The following ERGIC3 variants were observed in gnomAD, a reference collection of about 807,000 sequenced individuals.
The protein encoded by ERGIC3 is endoplasmic reticulum-Golgi intermediate compartment protein 3.
A neutral mutation model predicts 54.7 loss-of-function variants in ERGIC3; 33 were observed. That is an observed-to-expected ratio of 0.60 (90% confidence interval 0.46 to 0.81). ERGIC3 has a LOEUF of 0.81. Ranked by LOEUF, ERGIC3 falls within the 30% of genes least tolerant of loss-of-function variation. The probability of loss-of-function intolerance (pLI) is 0.00; values close to 1 mark genes in which losing one functional copy is unlikely to be tolerated. For missense variants in ERGIC3, 399 were observed against 488.4 expected (o/e 0.82, Z 1.73); for synonymous variants, 186 against 189.8 (o/e 0.98, Z 0.16).
intron 4 of ERGIC3, among the ~76,000 whole-genome samples, chr20:35,546,724 G>A (rs895913972): frequency 6.6e-6 from 1 of 152,146 alleles, no homozygotes; most frequent in South Asian, 2.1e-4. Context: ...AGAATTGGTG[G>A]ATTTCGGGTA....
At chr20:35,553,879 T>C (rs1601366789) in intron 7 of ERGIC3, among the ~76,000 whole-genome samples, 1 of 151,980 alleles carries the variant, frequency 6.6e-6, no homozygotes, top group Non-Finnish European at 1.5e-5. Context: ...GGGCCGGGGG[T>C]GCTCTGTATT....
chr20:35,544,385 C>T, intron 4 of ERGIC3: 1 of 281,014 alleles, frequency 3.6e-6, no homozygotes, highest in Admixed American at 4.6e-5. Flanking sequence ...TATTTTTTTT[C>T]TGTCAAGGTG....
At chr20:35,549,898 A>G (rs1377655484) in intron 7 of ERGIC3, 1 of 152,206 alleles carries the variant, frequency 6.6e-6, no homozygotes, top group African/African-American at 2.4e-5. Flanking sequence ...CGGCCTCCCA[A>G]AGTGCTAGGA....
intron 4 of ERGIC3, among the ~76,000 whole-genome samples, chr20:35,546,870 G>T (rs1340854929): frequency 6.6e-6 from 1 of 151,980 alleles, no homozygotes; most frequent in Non-Finnish European, 1.5e-5. Flanking sequence ...GAGGTGAGAT[G>T]GCAAAATCAA....
intron 4 of ERGIC3, chr20:35,543,597 C>G: frequency 4.2e-6 from 2 of 471,156 alleles, no homozygotes; most frequent in Non-Finnish European, 8.8e-6. Flanking sequence ...GTCCTCAAAG[C>G]TGGGATTTCT....
chr20:35,554,307 C>G, intron 7 of ERGIC3: 1 of 1,598,506 alleles, frequency 6.3e-7, no homozygotes, highest in Non-Finnish European at 8.6e-7. Flanking sequence ...ACATATCTTG[C>G]TCTCATAGTT....
intron 7 of ERGIC3, among the ~76,000 whole-genome samples, chr20:35,553,171 A>ATTT (rs61579080): frequency 0.62 from 78,847 of 127,078 alleles, 26,674 homozygotes; most frequent in Non-Finnish European, 0.76. Flanking sequence ...TGCCTGGCTA[A>ATTT]TTTTTTTTTT....
At chr20:35,551,456 T>A (rs2064681414) in intron 7 of ERGIC3, among the ~76,000 whole-genome samples, 1 of 151,948 alleles carries the variant, frequency 6.6e-6, no homozygotes, top group Non-Finnish European at 1.5e-5. Flanking sequence ...AGGTGTCAAG[T>A]AAGTTTTCCA....
intron 7 of ERGIC3, chr20:35,554,439 C>T (rs942347284): frequency 1.5e-5 from 24 of 1,609,148 alleles, no homozygotes; most frequent in Non-Finnish European, 2.0e-5. Context: ...GGGCAGCCTG[C>T]CCTACTAGAA....
intron 8 of ERGIC3, among the ~76,000 whole-genome samples, chr20:35,555,546 G>A (rs2064706346): frequency 6.6e-6 from 1 of 152,168 alleles, no homozygotes; most frequent in Non-Finnish European, 1.5e-5. Flanking sequence ...ATACACAAGG[G>A]AGCAGGAAGG....
intron 7 of ERGIC3, among the ~76,000 whole-genome samples, chr20:35,553,868 C>T (rs1372061565): frequency 5.3e-5 from 8 of 152,162 alleles, no homozygotes; most frequent in South Asian, 2.1e-4. Flanking sequence ...TGTGGATCCC[C>T]GGGCCGGGGG....
intron 4 of ERGIC3, chr20:35,545,042 A>T (rs967943577): frequency 6.6e-6 from 1 of 151,828 alleles, no homozygotes; most frequent in Non-Finnish European, 1.5e-5. Context: ...ACCTCAGGTG[A>T]TCCACCCGCC....
intron 4 of ERGIC3, chr20:35,543,680 G>A (rs889814327): frequency 4.2e-6 from 2 of 470,962 alleles, no homozygotes; most frequent in Non-Finnish European, 8.8e-6. Context: ...GGACACCAGT[G>A]GAACCAACAT....
chr20:35,556,530 A>G, intron 10 of ERGIC3: 1 of 521,478 alleles, frequency 1.9e-6, no homozygotes, highest in South Asian at 2.2e-5. Flanking sequence ...TGCCTGCCTC[A>G]CTGTTCTCTG....
rs532717308 is a variant in ERGIC3 at position 35,548,771 on chromosome 20, G to A, written c.628-37G>A. The stretch of plus-strand genomic sequence containing the variant: ...TCAGGCCCTGAGTAGGCAAAAGGAG[G>A]ACACAGCCAGTGAATGAGAGAGAAT... On this transcript the variant is annotated intron_variant, in intron 6 of 12. Transcript: ENST00000348547. 9 of 1,614,198 alleles carry A rather than the reference G, an allele frequency of 5.6e-6. No individual in the cohort carries two copies. The Admixed American group carries it at 8.3e-5, about 15-fold the overall frequency.
intron 4 of ERGIC3, chr20:35,544,364 T>G (rs2064635856): frequency 3.8e-6 from 1 of 266,256 alleles, no homozygotes; most frequent in Admixed American, 4.7e-5. Flanking sequence ...TACTTATTTG[T>G]TGTTTAAATT....
intron 7 of ERGIC3, among the ~76,000 whole-genome samples, chr20:35,553,257 A>G (rs2064692199): frequency 6.8e-6 from 1 of 147,776 alleles, no homozygotes. Context: ...TGGCCCCCCA[A>G]AATGTTGGGA....
chr20:35,553,149 C>T (rs1348165502), intron 7 of ERGIC3, among the ~76,000 whole-genome samples: 1 of 143,968 alleles, frequency 6.9e-6, no homozygotes. Flanking sequence ...AGACCACAGG[C>T]ACATGCCACC....
At chr20:35,544,052 A>G (rs1030015207) in intron 4 of ERGIC3, 6 of 218,348 alleles carry the variant, frequency 2.7e-5, no homozygotes, top group African/African-American at 4.7e-5. Context: ...CTATCTATCT[A>G]TCTATCTATC....
Sources: gnomAD v4.1 joint callset for allele counts (sites outside exome capture counted in the v4.1 genomes callset) on GRCh38, gnomAD v4.1.1 for gene constraint, MANE v1.5 for transcripts, NCBI Gene and HGNC (gene_info 2026-07-23, HGNC 2026-07-21) for gene names.